DLG2: variants seen among roughly 807,000 people sequenced by gnomAD.
The protein encoded by DLG2 is discs large MAGUK scaffold protein 2.
DLG2 carries 45 observed loss-of-function variants against 132.5 expected under a neutral mutation model. The ratio of observed to expected loss-of-function variants is 0.34; its 90% CI spans 0.27 to 0.44. The LOEUF (loss-of-function observed/expected upper bound fraction) is 0.44, where lower values mean the gene tolerates loss of function less well. Ranked by LOEUF, DLG2 falls within the 20% of genes least tolerant of loss-of-function variation. DLG2 has a pLI of 1.00. For missense variants in DLG2, 1,045 were observed against 1,196.9 expected (o/e 0.87, Z 1.87); for synonymous variants, 424 against 419.6 (o/e 1.01, Z -0.13).
intron 7 of DLG2, among the ~76,000 whole-genome samples, chr11:84,366,225 T>C (rs2098681433): frequency 6.6e-6 from 1 of 150,948 alleles, no homozygotes; most frequent in Non-Finnish European, 1.5e-5. Context: ...GCTTCATAAG[T>C]GAAGGAGAAA....
At chr11:85,135,093 C>T (rs1310476903) in intron 5 of DLG2, among the ~76,000 whole-genome samples, 2 of 152,108 alleles carry the variant, frequency 1.3e-5, no homozygotes, top group African/African-American at 4.8e-5. Context: ...TCTAAGGGTG[C>T]GTAAAACCTT....
chr11:84,178,004 TA>T (rs11291777), intron 8 of DLG2, among the ~76,000 whole-genome samples: 111,034 of 150,162 alleles, frequency 0.74, 41,550 homozygotes, highest in Middle Eastern at 0.85. Flanking sequence ...AATGATTGAT[TA>T]AAAAAAAAAA....
At chr11:84,939,577 A>G (rs573967887) in intron 6 of DLG2, among the ~76,000 whole-genome samples, 1 of 151,988 alleles carries the variant, frequency 6.6e-6, no homozygotes, top group East Asian at 1.9e-4. Flanking sequence ...CCTTCCCACC[A>G]CTATCCTTCC....
At chr11:85,373,323 C>T (rs1419995244) in intron 3 of DLG2, among the ~76,000 whole-genome samples, 1 of 152,178 alleles carries the variant, frequency 6.6e-6, no homozygotes, top group Admixed American at 6.5e-5. Context: ...GGCCATCAAA[C>T]TCCAGTCACA....
chr11:84,154,730 T>C (rs1289533250), intron 9 of DLG2, among the ~76,000 whole-genome samples: 6 of 152,072 alleles, frequency 3.9e-5, no homozygotes, highest in South Asian at 2.1e-4. Context: ...TTCCCACCTA[T>C]GACTGAGAAC....
At chr11:85,457,661 T>C (rs148274034) in intron 3 of DLG2, among the ~76,000 whole-genome samples, 115 of 152,326 alleles carry the variant, frequency 7.5e-4, no homozygotes, top group African/African-American at 2.6e-3. Flanking sequence ...CTCATTTGCT[T>C]GTCTGAAAGG....
intron 6 of DLG2, among the ~76,000 whole-genome samples, chr11:85,105,970 G>T (rs751104294): frequency 7.0e-6 from 1 of 142,928 alleles, no homozygotes; most frequent in African/African-American, 2.7e-5. Flanking sequence ...GGAAAAAAAG[G>T]GTTGGGAGGA....
chr11:84,462,139 A>G (rs2099082028), intron 7 of DLG2, among the ~76,000 whole-genome samples: 1 of 151,012 alleles, frequency 6.6e-6, no homozygotes, highest in Admixed American at 6.6e-5. Flanking sequence ...TTATAATTCT[A>G]TAATTTATAA....
At chr11:84,786,257 C>A (rs2072875917) in intron 6 of DLG2, among the ~76,000 whole-genome samples, 1 of 151,956 alleles carries the variant, frequency 6.6e-6, no homozygotes, top group South Asian at 2.1e-4. Context: ...CAATTTTGTA[C>A]CTGAAAAATT....
intron 3 of DLG2, among the ~76,000 whole-genome samples, chr11:85,368,202 G>C (rs767986997): frequency 1.3e-5 from 2 of 151,996 alleles, no homozygotes; most frequent in Non-Finnish European, 2.9e-5. Flanking sequence ...TTTCTAATTG[G>C]ATCAATTTAG....
intron 6 of DLG2, among the ~76,000 whole-genome samples, chr11:85,033,487 ATAT>A (rs2061197220): frequency 6.6e-6 from 1 of 152,070 alleles, no homozygotes; most frequent in South Asian, 2.1e-4. Context: ...AAAAGATTTT[ATAT>A]GGTTCAAGCA....
At position 84,291,307 on chromosome 11, in the gene DLG2, T is replaced by C. The variant is rs189391669; in HGVS notation, c.520-40016A>G. 1.1e-3 allele frequency among the ~76,000 whole-genome samples: 160 copies of C among 152,206 alleles called. 1 individual carries two copies. In the South Asian group the frequency reaches 0.013, roughly 12 times the overall value. ...ATAAAACAGAATTAATAAGGTTAGG[T>C]AGACAAAAAAGAATATTGCCAAGTT... On this transcript the variant is annotated intron_variant, in intron 7 of 27. Transcript: ENST00000376104.
intron 3 of DLG2, among the ~76,000 whole-genome samples, chr11:85,589,170 C>G (rs2079149952): frequency 6.6e-6 from 1 of 152,212 alleles, no homozygotes; most frequent in South Asian, 2.1e-4. Flanking sequence ...GTGACACTGT[C>G]ACGTGGACAG....
intron 3 of DLG2, among the ~76,000 whole-genome samples, chr11:85,561,793 A>C (rs1395597981): frequency 3.9e-5 from 6 of 151,944 alleles, no homozygotes; most frequent in African/African-American, 1.4e-4. Flanking sequence ...TTTCTCTCTT[A>C]AATAATTTAA....
At chr11:84,014,667 T>C (rs1247405819) in intron 11 of DLG2, among the ~76,000 whole-genome samples, 1 of 152,150 alleles carries the variant, frequency 6.6e-6, no homozygotes, top group African/African-American at 2.4e-5. Context: ...TTAGAAAAGT[T>C]CAACAACATG....
intron 3 of DLG2, among the ~76,000 whole-genome samples, chr11:85,535,264 AT>A (rs751496900): frequency 1.8e-4 from 27 of 152,198 alleles, no homozygotes; most frequent in Non-Finnish European, 3.7e-4. Flanking sequence ...AAAGAAAAAA[AT>A]AATTTCAAAC....
intron 7 of DLG2, among the ~76,000 whole-genome samples, chr11:84,498,919 C>T (rs2099193757): frequency 6.6e-6 from 1 of 152,052 alleles, no homozygotes; most frequent in African/African-American, 2.4e-5. Flanking sequence ...GTGTGAGGGC[C>T]AGGTACAGTG....
intron 18 of DLG2, among the ~76,000 whole-genome samples, chr11:83,739,790 G>A (rs2092353906): frequency 6.6e-6 from 1 of 152,042 alleles, no homozygotes; most frequent in Non-Finnish European, 1.5e-5. Context: ...GGGACCTCAG[G>A]GTACACCACA....
chr11:85,279,119 G>C (rs991107583), intron 4 of DLG2, among the ~76,000 whole-genome samples: 5 of 152,044 alleles, frequency 3.3e-5, no homozygotes, highest in Admixed American at 2.6e-4. Flanking sequence ...GTCCAATAAA[G>C]AAGAAAATAG....
Sources: gnomAD v4.1 joint callset for allele counts (sites outside exome capture counted in the v4.1 genomes callset) on GRCh38, gnomAD v4.1.1 for gene constraint, MANE v1.5 for transcripts, NCBI Gene and HGNC (gene_info 2026-07-23, HGNC 2026-07-21) for gene names.